The following FRK variants were observed in gnomAD, a reference collection of about 807,000 sequenced individuals.
The protein encoded by FRK is fyn related Src family tyrosine kinase.
Under a neutral mutation model 56.4 loss-of-function variants are expected in FRK, and 51 were observed. The ratio of observed to expected loss-of-function variants is 0.90; its 90% CI spans 0.72 to 1.14. The LOEUF is 1.14. Among genes scored for constraint, FRK ranks in the 50% most tolerant of loss-of-function variants. FRK has a pLI of 0.00. For synonymous variants in FRK, 245 were observed against 217.9 expected (o/e 1.12, Z -1.10); for missense variants, 570 against 601.4 (o/e 0.95, Z 0.55).
chr6:115,953,183 T>C lies in FRK; in HGVS notation c.958+3269A>G, dbSNP rs1312127401. Among the ~76,000 whole-genome samples the C allele has an allele frequency of 4.5e-4, 43 of 95,496 alleles. 8 individuals are homozygous for C. Among genetic ancestry groups the C allele is most frequent in the Admixed American group, 9.8e-4 (8 of 8,200 alleles). 62.6% of individuals were successfully genotyped at this position (95,496 alleles called of 152,430 possible). A position where few individuals can be genotyped will look rare whatever the true frequency, so the allele number is the denominator to read the frequency against. ...GTGGTACATCCATTTTAAGGCCATT[T>C]TTTTTTTTTTTTTTTTTTTTTTTTG... On this transcript the variant is annotated intron_variant, in intron 5 of 7. Transcript: ENST00000606080.
intron 4 of FRK, among the ~76,000 whole-genome samples, chr6:115,958,651 A>G (rs1159799840): frequency 4.7e-4 from 1 of 2,108 alleles, no homozygotes; most frequent in Non-Finnish European, 9.1e-4. Context: ...AAGAAAAGAA[A>G]GAAAGAAAGA....
At chr6:116,061,265 A>G (rs1179697516), upstream of FRK, among the ~76,000 whole-genome samples, 1 of 152,214 alleles carries the variant, frequency 6.6e-6, no homozygotes, top group Non-Finnish European at 1.5e-5. Flanking sequence ...ATTACCAAGA[A>G]TAGATTTTAA....
intron 2 of FRK, among the ~76,000 whole-genome samples, chr6:115,975,357 T>C (rs960997785): frequency 6.6e-6 from 1 of 152,134 alleles, no homozygotes; most frequent in East Asian, 1.9e-4. Context: ...AAAAGCTACA[T>C]CAGGAAAATT....
intron 1 of FRK, among the ~76,000 whole-genome samples, chr6:116,034,102 C>T (rs190901356): frequency 1.5e-3 from 227 of 152,182 alleles, no homozygotes; most frequent in Admixed American, 2.8e-3. Context: ...GGGATGAATG[C>T]TCCTGCATTC....
intron 5 of FRK, among the ~76,000 whole-genome samples, chr6:115,948,048 AGAAGTAGGTGG>A (rs1772538352): frequency 6.6e-6 from 1 of 152,178 alleles, no homozygotes; most frequent in African/African-American, 2.4e-5. Context: ...AGAATATGGC[AGAAGTAGGTGG>A]GATATCACTT....
chr6:116,068,893 A>G, the FRK span, among the ~76,000 whole-genome samples: 2 of 152,192 alleles, frequency 1.3e-5, no homozygotes, highest in African/African-American at 4.8e-5. Flanking sequence ...TCAAAGACAC[A>G]AAATAGGCAC....
At chr6:115,980,887 A>C (rs544757) in intron 2 of FRK, among the ~76,000 whole-genome samples, 6,334 of 152,206 alleles carry the variant, frequency 0.042, 139 homozygotes, top group African/African-American at 0.065. Flanking sequence ...ACTGATTTCT[A>C]AACTGTGATA....
intron 1 of FRK, among the ~76,000 whole-genome samples, chr6:116,036,112 TA>T (rs953547105): frequency 6.6e-5 from 10 of 152,118 alleles, no homozygotes; most frequent in Admixed American, 1.3e-4. Flanking sequence ...GCACTTTTTT[TA>T]AAAATAAGTT....
intron 1 of FRK, among the ~76,000 whole-genome samples, chr6:116,040,279 T>C (rs1159593736): frequency 1.3e-5 from 2 of 152,176 alleles, no homozygotes; most frequent in African/African-American, 4.8e-5. Flanking sequence ...ACAATGTCTA[T>C]ATTTGACCTT....
chr6:116,039,933 C>T (rs1364707950), intron 1 of FRK, among the ~76,000 whole-genome samples: 1 of 138,822 alleles, frequency 7.2e-6, no homozygotes. Context: ...AGGGAATAAA[C>T]ACCTGGCACT....
intron 5 of FRK, among the ~76,000 whole-genome samples, chr6:115,954,095 A>T (rs1447373725): frequency 6.6e-6 from 1 of 152,220 alleles, no homozygotes; most frequent in Admixed American, 6.5e-5. Context: ...ATGTAAGTAG[A>T]GATTTTGAGG....
chr6:116,060,493 G>A lies in FRK; in HGVS notation c.-182C>T. 1.7e-6 allele frequency: 1 copy of A among 576,548 alleles called. No individual in the cohort carries two copies. The highest frequency in any genetic ancestry group is 2.3e-5 in the South Asian group (1 of 42,588). The allele number at this position is 576,548 out of a possible 1,614,324, so 35.7% of individuals were successfully genotyped here. ...TGGGTTGCAGCAAGTCCTACCTGGA[G>A]AGACTTACCGGCTTGCTTTCTGTGG... On this transcript the variant is annotated 5_prime_UTR_variant, in exon 1 of 8. Transcript: ENST00000606080.
chr6:115,981,179 T>C (rs546939226), intron 2 of FRK, among the ~76,000 whole-genome samples: 4 of 152,112 alleles, frequency 2.6e-5, no homozygotes, highest in Non-Finnish European at 5.9e-5. Flanking sequence ...AAGCTTCGAA[T>C]TATGAGAGAT....
At chr6:115,947,731 T>G (rs1772526478) in intron 5 of FRK, among the ~76,000 whole-genome samples, 1 of 152,210 alleles carries the variant, frequency 6.6e-6, no homozygotes, top group South Asian at 2.1e-4. Flanking sequence ...TAGAGAGTTT[T>G]GAATTCTATA....
At chr6:116,079,291 C>A in the FRK span, among the ~76,000 whole-genome samples, 2 of 152,016 alleles carry the variant, frequency 1.3e-5, no homozygotes, top group African/African-American at 4.8e-5. Context: ...CCCTGAAGAT[C>A]TTAATCTTCA....
At chr6:116,069,884 T>C in the FRK span, among the ~76,000 whole-genome samples, 1 of 152,048 alleles carries the variant, frequency 6.6e-6, no homozygotes, top group Admixed American at 6.6e-5. Context: ...AGTCTGACAG[T>C]CTGCCTTTTT....
rs566552210 is a variant in FRK at position 116,000,966 on chromosome 6, G to A, written c.466+2911C>T. Among the ~76,000 whole-genome samples, 26 of 152,266 alleles carry A rather than the reference G, an allele frequency of 1.7e-4. No homozygotes were observed. The East Asian group carries it at 1.7e-3, about 10-fold the overall frequency. Reference sequence around the variant, plus strand: ...AAGAAATATGGAGCTTGGGCCGGGCGTGGTGGTTCACGCCTGTAATCCCAG... The same window carrying A: ...AAGAAATATGGAGCTTGGGCCGGGCATGGTGGTTCACGCCTGTAATCCCAG... On this transcript the variant is annotated intron_variant, in intron 2 of 7. Coordinates refer to ENST00000606080, the MANE Select transcript of FRK (RefSeq NM_002031.3).
chr6:116,097,521 A>G, the FRK span, among the ~76,000 whole-genome samples: 1 of 152,224 alleles, frequency 6.6e-6, no homozygotes, highest in Non-Finnish European at 1.5e-5. Context: ...AAAGTATTAT[A>G]AATTCACAAA....
chr6:115,941,269 C>T lies in FRK; in HGVS notation c.*1145G>A, dbSNP rs1181094372. 2 of 151,324 alleles carry T rather than the reference C, an allele frequency of 1.3e-5. No individual in the cohort carries two copies. The highest frequency in any genetic ancestry group is 4.9e-5 in the African/African-American group (2 of 41,154). 9.4% of individuals were successfully genotyped at this position (151,324 alleles called of 1,614,324 possible). On this transcript the variant is annotated 3_prime_UTR_variant, in exon 8 of 8. Transcript: ENST00000606080. ...CAAAAAACCAAACACAGCATGTTCT[C>T]ACTCATAAGTGGGAGCTGAACAATG...
Sources: allele counts gnomAD v4.1 joint callset (sites outside exome capture counted in the v4.1 genomes callset), GRCh38; gene constraint gnomAD v4.1.1; transcripts MANE v1.5; gene names NCBI Gene and HGNC (gene_info 2026-07-23, HGNC 2026-07-21).